GRID2: variants seen among roughly 807,000 people sequenced by gnomAD.
GRID2 encodes glutamate receptor ionotropic, delta-2.
A neutral mutation model predicts 114.8 loss-of-function variants in GRID2; 33 were observed. The observed-to-expected ratio is 0.29, with a 90% CI of 0.22 to 0.38. GRID2 has a LOEUF of 0.38. Ranked by LOEUF, GRID2 falls within the 10% of genes least tolerant of loss-of-function variation. The pLI is 1.00. For missense variants in GRID2, 1,184 were observed against 1,257.7 expected (o/e 0.94, Z 0.89); for synonymous variants, 505 against 449.9 (o/e 1.12, Z -1.55).
chr4:92,999,871 A>T (rs186864672), intron 2 of GRID2, among the ~76,000 whole-genome samples: 152 of 151,796 alleles, frequency 1.0e-3, no homozygotes, highest in African/African-American at 3.6e-3. Context: ...TATATTTAAA[A>T]TATGACAGGA....
At chr4:93,368,461 G>T (rs750376033) in intron 8 of GRID2, among the ~76,000 whole-genome samples, 1 of 151,506 alleles carries the variant, frequency 6.6e-6, no homozygotes, top group African/African-American at 2.4e-5. Context: ...ATGCAGGTTT[G>T]TTACATATGT....
rs144084459 is a variant in GRID2 at position 92,884,039 on chromosome 4, TATAAGGCTGTTATATCTACAC to T, written c.245-200955_245-200935del. ...AGTCCTAGATGGCGTGCTTGTCCAG[TATAAGGCTGTTATATCTACAC>T]TAAAAATCGGTTTAGCCACTTCATC... On this transcript the variant is annotated intron_variant, in intron 2 of 15. Transcript: ENST00000282020. Among the ~76,000 whole-genome samples, 212 of 152,294 alleles carry T rather than the reference TATAAGGCTGTTATATCTACAC, an allele frequency of 1.4e-3. 1 individual carries two copies. Among genetic ancestry groups the T allele is most frequent in the African/African-American group, 4.8e-3 (198 of 41,558 alleles).
chr4:92,689,087 A>T (rs909097052), intron 2 of GRID2, among the ~76,000 whole-genome samples: 1 of 152,180 alleles, frequency 6.6e-6, no homozygotes, highest in Non-Finnish European at 1.5e-5. Flanking sequence ...TGAGCACTAC[A>T]TCTCAACAGT....
chr4:92,324,766 A>G (rs1726505866), intron 1 of GRID2, among the ~76,000 whole-genome samples: 1 of 152,074 alleles, frequency 6.6e-6, no homozygotes, highest in East Asian at 1.9e-4. Flanking sequence ...GCTGATATGG[A>G]TATGCATTTG....
intron 1 of GRID2, among the ~76,000 whole-genome samples, chr4:92,341,012 A>G (rs951961): frequency 0.19 from 28,312 of 151,840 alleles, 3,879 homozygotes; most frequent in African/African-American, 0.4. Flanking sequence ...TATTATAAAT[A>G]AGTTAAGTTC....
At chr4:93,765,002 T>G (rs2110322568) in intron 14 of GRID2, among the ~76,000 whole-genome samples, 1 of 152,302 alleles carries the variant, frequency 6.6e-6, no homozygotes. Flanking sequence ...GGTACAATTC[T>G]TTAGATTTTC....
intron 1 of GRID2, among the ~76,000 whole-genome samples, chr4:92,589,067 T>C (rs775087898): frequency 2.0e-5 from 3 of 152,056 alleles, no homozygotes; most frequent in Non-Finnish European, 4.4e-5. Flanking sequence ...AATCACGCCA[T>C]TGCACTCTAG....
chr4:93,095,257 T>C (rs1351738916), intron 3 of GRID2, among the ~76,000 whole-genome samples: 1 of 152,010 alleles, frequency 6.6e-6, no homozygotes, highest in Non-Finnish European at 1.5e-5. Flanking sequence ...GTATTTCTCC[T>C]AATGCTATCC....
At chr4:93,114,465 C>T (rs1225012904) in intron 4 of GRID2, among the ~76,000 whole-genome samples, 1 of 152,042 alleles carries the variant, frequency 6.6e-6, no homozygotes, top group African/African-American at 2.4e-5. Context: ...CCCACTCATC[C>T]ACCATTTTTT....
At position 93,772,298 on chromosome 4, in the gene GRID2, C is replaced by T. The variant is rs776365281; in HGVS notation, c.2824C>T (p.Arg942Cys). Residue 942 changes from arginine (R) to cysteine (C), a missense_variant, in exon 16 of 16, where the codon CGC (arginine) becomes TGC (cysteine). This residue lies in a region of GRID2 where 717 missense variants were observed against 796.9 expected (regional missense o/e 0.90). Transcript: ENST00000282020. ...FIPEQIQTLS[R>C]TLSAKAASGF... ...CCCAGAGCAGATCCAGACTCTTAGC[C>T]GCACACTGTCAGCTAAAGCTGCTTC... 1.2e-5 allele frequency: 19 copies of T among 1,613,890 alleles called. No homozygotes were observed. The highest frequency in any genetic ancestry group is 1.4e-5 in the Non-Finnish European group (16 of 1,179,914).
intron 2 of GRID2, among the ~76,000 whole-genome samples, chr4:92,599,329 G>A (rs1240477140): frequency 1.3e-5 from 2 of 152,072 alleles, no homozygotes; most frequent in African/African-American, 2.4e-5. Flanking sequence ...TGGCTGTAGA[G>A]CAACATAGTG....
chr4:92,433,556 A>G lies in GRID2; in HGVS notation c.88+128812A>G, dbSNP rs533506511. The stretch of plus-strand genomic sequence containing the variant: ...CTGAGTTCCAATGCCAAGTCCCACA[A>G]TCATTGCAAGCACACAGATTCTCTC... On this transcript the variant is annotated intron_variant, in intron 1 of 15. Coordinates refer to ENST00000282020, the MANE Select transcript of GRID2 (RefSeq NM_001510.4). Among the ~76,000 whole-genome samples, 6 of 152,280 alleles carry G rather than the reference A, an allele frequency of 3.9e-5. No homozygotes were observed. In the South Asian group the frequency reaches 8.3e-4, roughly 21 times the overall value.
At chr4:93,044,675 T>C (rs2149273206) in intron 2 of GRID2, among the ~76,000 whole-genome samples, 1 of 152,298 alleles carries the variant, frequency 6.6e-6, no homozygotes, top group South Asian at 2.1e-4. Flanking sequence ...ACATACTTTC[T>C]GAGAGTAACT....
intron 8 of GRID2, among the ~76,000 whole-genome samples, chr4:93,384,957 C>T (rs1436193689): frequency 6.6e-6 from 1 of 152,134 alleles, no homozygotes; most frequent in Admixed American, 6.6e-5. Flanking sequence ...TTGAAGTATG[C>T]TAGCATTTTC....
chr4:93,030,686 G>C (rs1168402754), intron 2 of GRID2, among the ~76,000 whole-genome samples: 2 of 151,948 alleles, frequency 1.3e-5, no homozygotes, highest in Non-Finnish European at 2.9e-5. Flanking sequence ...CGCCCAGCTA[G>C]AGCTGCATCT....
rs1007209878 is a variant in GRID2 at position 93,377,417 on chromosome 4, C to T, written c.1246-18190C>T. Among the ~76,000 whole-genome samples, 5 of 152,012 alleles carry T rather than the reference C, an allele frequency of 3.3e-5. 1 individual carries two copies. The East Asian group carries it at 7.7e-4, about 23-fold the overall frequency. ...TTCCTTGTAAGGTTAATTGGGTGCA[C>T]TGGAGAGCTAGCTGAGGTTAGGAGA... is the stretch of plus-strand genomic sequence containing the variant. On this transcript the variant is annotated intron_variant, in intron 8 of 15. Coordinates refer to ENST00000282020, the MANE Select transcript of GRID2 (RefSeq NM_001510.4).
intron 8 of GRID2, among the ~76,000 whole-genome samples, chr4:93,353,022 A>G (rs1414005261): frequency 6.6e-6 from 1 of 152,040 alleles, no homozygotes; most frequent in Admixed American, 6.6e-5. Context: ...TGAAAATATC[A>G]TTGTGTCTGG....
chr4:92,654,751 T>TA (rs532597603), intron 2 of GRID2, among the ~76,000 whole-genome samples: 7,817 of 151,830 alleles, frequency 0.051, 238 homozygotes, highest in East Asian at 0.099. Context: ...AAATGGAATT[T>TA]TAAAAAAAAA....
At chr4:92,701,432 C>T (rs1734671043) in intron 2 of GRID2, among the ~76,000 whole-genome samples, 1 of 151,930 alleles carries the variant, frequency 6.6e-6, no homozygotes, top group African/African-American at 2.4e-5. Context: ...AGACAAAGTA[C>T]TCATAGTGTT....
Sources: gnomAD v4.1 joint callset for allele counts (sites outside exome capture counted in the v4.1 genomes callset) on GRCh38, gnomAD v4.1.1 for gene constraint, gnomAD v4.1.1 regional missense constraint, MANE v1.5 for transcripts, NCBI Gene and HGNC (gene_info 2026-07-23, HGNC 2026-07-21) for gene names.